Variants in SLC9A7 observed in about 807,000 individuals in gnomAD.
The protein encoded by SLC9A7 is solute carrier family 9 member A7.
Under a neutral mutation model 52.6 loss-of-function variants are expected in SLC9A7, and 19 were observed. The ratio of observed to expected loss-of-function variants is 0.36; its 90% CI spans 0.25 to 0.53. SLC9A7 has a LOEUF of 0.53. Ranked by LOEUF, SLC9A7 falls within the 20% of genes least tolerant of loss-of-function variation. The pLI, the probability that SLC9A7 is intolerant of heterozygous loss-of-function variation, is 0.91. For synonymous variants in SLC9A7, 226 were observed against 252.1 expected (o/e 0.90, Z 0.98); for missense variants, 455 against 597.9 (o/e 0.76, Z 2.49).
chrX:46,645,082 T>C (rs1232761314), intron 11 of SLC9A7, among the ~76,000 whole-genome samples: 3 of 112,169 alleles, frequency 2.7e-5, no homozygotes, highest in Non-Finnish European at 5.6e-5. Context: ...CCTCAGGTAT[T>C]TCATAGCCTT....
intron 16 of SLC9A7, among the ~76,000 whole-genome samples, chrX:46,609,664 C>A (rs1054653946): frequency 4.5e-5 from 5 of 110,193 alleles, no homozygotes; most frequent in Admixed American, 2.9e-4. Flanking sequence ...TGCACCACTG[C>A]ACTCCCACCT....
At chrX:46,632,955 G>C (rs1294888798) in intron 13 of SLC9A7, among the ~76,000 whole-genome samples, 2 of 109,739 alleles carry the variant, frequency 1.8e-5, no homozygotes, top group African/African-American at 6.6e-5. Flanking sequence ...TCTTGGCTTA[G>C]AAACATACTA....
At chrX:46,621,429 C>CT (rs1943044854) in intron 14 of SLC9A7, among the ~76,000 whole-genome samples, 1 of 111,896 alleles carries the variant, frequency 8.9e-6, no homozygotes, top group Non-Finnish European at 1.9e-5. Context: ...TTTTTAAAAG[C>CT]TTTTTGTAAA....
At position 46,662,518 on chromosome X, in the gene SLC9A7, G is replaced by A. The variant is rs753764692; in HGVS notation, c.899+20C>T. On this transcript the variant is annotated intron_variant, in intron 6 of 16. Coordinates refer to ENST00000616978, the MANE Select transcript of SLC9A7 (RefSeq NM_001257291.2). ...AGGAAACTGGGGTGTCTCTTCTCCA[G>A]CAGAAACACTGCTACTTACGAGGAC... 8.7e-7 allele frequency: 1 copy of A among 1,146,937 alleles called. No individual in the cohort carries two copies. The highest frequency in any genetic ancestry group is 2.2e-5 in the Admixed American group (1 of 45,173). The allele number at this position is 1,146,937 out of a possible 1,213,427, so 94.5% of individuals were successfully genotyped here. A position where few individuals can be genotyped will look rare whatever the true frequency, so the allele number is the denominator to read the frequency against.
intron 4 of SLC9A7, among the ~76,000 whole-genome samples, chrX:46,671,812 G>T (rs1051014398): frequency 8.9e-6 from 1 of 111,795 alleles, no homozygotes; most frequent in Non-Finnish European, 1.9e-5. Flanking sequence ...GGTAGTATTT[G>T]TCAGGTTTCT....
intron 1 of SLC9A7, chrX:46,725,181 A>G: frequency 1.2e-6 from 1 of 850,536 alleles, no homozygotes; most frequent in Non-Finnish European, 1.8e-6. Flanking sequence ...GATCTGTGGC[A>G]ATCCAAATTC....
intron 1 of SLC9A7, among the ~76,000 whole-genome samples, chrX:46,741,773 A>G (rs899773052): frequency 5.4e-5 from 6 of 110,830 alleles, no homozygotes; most frequent in African/African-American, 1.6e-4. Context: ...ATGATAAATA[A>G]AAGTTGATAA....
intron 1 of SLC9A7, chrX:46,725,282 G>A (rs1399873535): frequency 1.8e-6 from 2 of 1,140,000 alleles, no homozygotes; most frequent in South Asian, 1.8e-5. Context: ...AATAAGAACT[G>A]TCTTCATCAG....
At chrX:46,668,991 C>A (rs1416023661) in intron 5 of SLC9A7, among the ~76,000 whole-genome samples, 1 of 109,670 alleles carries the variant, frequency 9.1e-6, no homozygotes, top group Non-Finnish European at 1.9e-5. Flanking sequence ...CACGGTGAAA[C>A]CCTGTCTCTA....
chrX:46,744,802 G>A (rs1365339635), intron 1 of SLC9A7, among the ~76,000 whole-genome samples: 1 of 111,819 alleles, frequency 8.9e-6, no homozygotes, highest in Non-Finnish European at 1.9e-5. Flanking sequence ...CAAAATAGCA[G>A]AGTAGACAGC....
intron 2 of SLC9A7, among the ~76,000 whole-genome samples, chrX:46,680,099 C>T (rs1944186789): frequency 9.0e-6 from 1 of 111,595 alleles, no homozygotes; most frequent in East Asian, 2.8e-4. Context: ...GCCTGTAATC[C>T]TAGCACTTTG....
At chrX:46,679,964 T>C (rs1944184334) in intron 2 of SLC9A7, among the ~76,000 whole-genome samples, 1 of 112,289 alleles carries the variant, frequency 8.9e-6, no homozygotes, top group South Asian at 3.7e-4. Context: ...TTTGCTCTTA[T>C]GATCTTGCTT....
chrX:46,619,454 A>C (rs1181618033), intron 15 of SLC9A7, among the ~76,000 whole-genome samples: 2 of 111,992 alleles, frequency 1.8e-5, no homozygotes, highest in Non-Finnish European at 3.8e-5. Flanking sequence ...GTACATCAAT[A>C]ATAGAATAAA....
At position 46,758,819 on chromosome X, in the gene SLC9A7, T is replaced by C; in HGVS notation, c.211A>G (p.Ser71Gly). ...AGGATGAAGGTGAGCAGGCTCACGC[T>C]GTCTTGCCGGTGGCTCTCCTCCGCC... ...KEAEESHRQD[S>G]VSLLTFILLL... The change falls in exon 1 of 17, where the codon AGC (serine) becomes GGC (glycine). Residue 71 changes from serine to glycine, a missense_variant. This residue lies in a region of SLC9A7 where 304 missense variants were observed against 417.8 expected (regional missense o/e 0.73). Transcript: ENST00000616978. 8.3e-7 allele frequency: 1 copy of C among 1,207,811 alleles called. No individual in the cohort carries two copies. The highest frequency in any genetic ancestry group is 1.1e-6 in the Non-Finnish European group (1 of 893,723).
chrX:46,693,830 C>T (rs890654899), intron 1 of SLC9A7, among the ~76,000 whole-genome samples: 5 of 110,963 alleles, frequency 4.5e-5, no homozygotes, highest in East Asian at 2.8e-4. Context: ...GTGGGAGGAT[C>T]ACTTGAGGCC....
rs1203525465 is a variant in SLC9A7 at position 46,602,199 on chromosome X, T to C, written c.*4753A>G. 3 of 111,779 alleles carry C rather than the reference T, an allele frequency of 2.7e-5. No individual in the cohort carries two copies. The East Asian group carries it at 8.4e-4, about 31-fold the overall frequency. The allele number at this position is 111,779 out of a possible 1,213,427, so 9.2% of individuals were successfully genotyped here. On this transcript the variant is annotated 3_prime_UTR_variant, in exon 17 of 17. Coordinates refer to ENST00000616978, the MANE Select transcript of SLC9A7 (RefSeq NM_001257291.2). ...TCCCCATACATACCCCAAGTCACCC[T>C]TCTCTTTCCTCGAAGGCTCCAAGGT...
intron 7 of SLC9A7, among the ~76,000 whole-genome samples, chrX:46,655,095 C>T (rs1039644763): frequency 9.4e-6 from 1 of 106,869 alleles, no homozygotes; most frequent in Non-Finnish European, 1.9e-5. Context: ...AGTGATTCTC[C>T]TGCCTCAGCC....
intron 1 of SLC9A7, 39 bp downstream of exon 1, chrX:46,758,666 A>G: frequency 1.0e-6 from 1 of 963,771 alleles, no homozygotes; most frequent in Non-Finnish European, 1.4e-6. Flanking sequence ...GCGGCGGCCG[A>G]GGGGTGTGGA....
intron 1 of SLC9A7, among the ~76,000 whole-genome samples, chrX:46,695,874 G>T (rs948427124): frequency 4.6e-4 from 51 of 111,399 alleles, no homozygotes; most frequent in African/African-American, 1.6e-3. Context: ...TACCCACAAT[G>T]AAATATATAA....
Sources: allele counts gnomAD v4.1 joint callset (sites outside exome capture counted in the v4.1 genomes callset), GRCh38; gene constraint gnomAD v4.1.1; regional missense constraint gnomAD v4.1.1; transcripts MANE v1.5; gene names NCBI Gene and HGNC (gene_info 2026-07-23, HGNC 2026-07-21).